The following ASIC2 variants were observed in gnomAD, a reference collection of about 807,000 sequenced individuals.
ASIC2 encodes acid sensing ion channel subunit 2, also known as acid-sensing ion channel 2.
A neutral mutation model predicts 57.3 loss-of-function variants in ASIC2; 25 were observed. The observed-to-expected ratio is 0.44, with a 90% confidence interval of 0.32 to 0.61. ASIC2 has a LOEUF of 0.61. ASIC2 is among the 20% of genes least tolerant of loss of function. The pLI is 0.06. For missense variants in ASIC2, 641 were observed against 738.1 expected, an observed-to-expected ratio of 0.87 and a Z score of 1.52; for synonymous variants, 319 against 307.5, an observed-to-expected ratio of 1.04 and a Z score of -0.39.
At chr17:33,756,246 G>A (rs971775696) in intron 1 of ASIC2, among the ~76,000 whole-genome samples, 1 of 152,172 alleles carries the variant, frequency 6.6e-6, no homozygotes, top group African/African-American at 2.4e-5. Context: ...CCTATTCAAT[G>A]CCAGCCTTGG....
At chr17:33,494,213 C>T (rs1462218707) in intron 1 of ASIC2, among the ~76,000 whole-genome samples, 5 of 152,192 alleles carry the variant, frequency 3.3e-5, no homozygotes, top group South Asian at 2.1e-4. Flanking sequence ...AGGCCTTCTG[C>T]GTGCCTGTTG....
At chr17:34,098,150 A>G (rs1376254411) in intron 1 of ASIC2, among the ~76,000 whole-genome samples, 1 of 152,208 alleles carries the variant, frequency 6.6e-6, no homozygotes, top group African/African-American at 2.4e-5. Flanking sequence ...TTCACAGTCC[A>G]GCGAGGGAGA....
intron 1 of ASIC2, among the ~76,000 whole-genome samples, chr17:33,457,626 A>ATGC (rs892687092): frequency 9.2e-5 from 14 of 152,302 alleles, no homozygotes; most frequent in East Asian, 3.9e-4. Flanking sequence ...TACACTAATG[A>ATGC]TGCTGCTGCT....
At chr17:33,211,188 G>A (rs559389325) in intron 1 of ASIC2, among the ~76,000 whole-genome samples, 4 of 152,226 alleles carry the variant, frequency 2.6e-5, no homozygotes, top group East Asian at 1.9e-4. Context: ...GCCCTTCCAC[G>A]GACCAAGGGG....
intron 1 of ASIC2, among the ~76,000 whole-genome samples, chr17:33,525,641 T>C (rs1397613396): frequency 1.3e-5 from 2 of 152,208 alleles, no homozygotes; most frequent in African/African-American, 4.8e-5. Context: ...CAAATGCAAA[T>C]ACCTCTGCAT....
chr17:34,038,710 T>C, intron 1 of ASIC2: 1 of 1,603,544 alleles, frequency 6.2e-7, no homozygotes, highest in East Asian at 2.2e-5. Context: ...CTAATCTGAG[T>C]TTGAAGATTT....
At chr17:33,054,523 C>CA (rs1203443773) in intron 3 of ASIC2, among the ~76,000 whole-genome samples, 1 of 152,182 alleles carries the variant, frequency 6.6e-6, no homozygotes, top group Non-Finnish European at 1.5e-5. Flanking sequence ...AATCAATACT[C>CA]AGAGTTTTTC....
chr17:34,032,593 T>C (rs1303129408), intron 1 of ASIC2, among the ~76,000 whole-genome samples: 5 of 152,158 alleles, frequency 3.3e-5, no homozygotes, highest in Admixed American at 1.3e-4. Flanking sequence ...TCAAGACCCA[T>C]CAGTGTGCTG....
At chr17:33,282,509 C>G (rs1041103928) in intron 1 of ASIC2, among the ~76,000 whole-genome samples, 5 of 151,638 alleles carry the variant, frequency 3.3e-5, no homozygotes, top group African/African-American at 9.7e-5. Flanking sequence ...GATCCTTGCC[C>G]TGTTGTCCAG....
At chr17:33,033,454 G>T (rs2091894370) in intron 3 of ASIC2, among the ~76,000 whole-genome samples, 1 of 152,190 alleles carries the variant, frequency 6.6e-6, no homozygotes, top group South Asian at 2.1e-4. Flanking sequence ...CCCCTTCCAA[G>T]TTGGCAGGTG....
At chr17:34,030,096 C>A (rs946160059) in intron 1 of ASIC2, among the ~76,000 whole-genome samples, 2 of 152,124 alleles carry the variant, frequency 1.3e-5, no homozygotes, top group Admixed American at 6.5e-5. Context: ...TGCAAAGGGC[C>A]TACAAGAAAA....
chr17:33,360,409 G>A (rs999067494), intron 1 of ASIC2, among the ~76,000 whole-genome samples: 1 of 152,120 alleles, frequency 6.6e-6, no homozygotes, highest in Non-Finnish European at 1.5e-5. Context: ...TACAGCAGGG[G>A]CTCAGTAAAT....
intron 1 of ASIC2, among the ~76,000 whole-genome samples, chr17:33,273,874 AG>A (rs1322142689): frequency 3.3e-5 from 5 of 151,628 alleles, no homozygotes; most frequent in African/African-American, 1.2e-4. Flanking sequence ...TGACTGGGGG[AG>A]GGGGAGGAAG....
At chr17:33,886,241 G>A (rs571973772) in intron 1 of ASIC2, among the ~76,000 whole-genome samples, 2 of 152,224 alleles carry the variant, frequency 1.3e-5, no homozygotes, top group Admixed American at 1.3e-4. Flanking sequence ...TAGGGCTTCT[G>A]CTTGGAAATA....
rs891955830 is a variant in ASIC2, at chr17:33,213,272, A to G, written c.708+78136T>C. On this transcript the variant is annotated intron_variant, in intron 1 of 9. Transcript: ENST00000225823. ...GACTGGTCCTAAGAACTGAAGGTGGAAAAAAAACCTTGCTTGGAAAGACCA... is the reference window on the plus strand; with the variant it reads ...GACTGGTCCTAAGAACTGAAGGTGGGAAAAAAACCTTGCTTGGAAAGACCA... Among the ~76,000 whole-genome samples, 3 of 152,054 alleles carry G rather than the reference A, an allele frequency of 2.0e-5. No individual in the cohort carries two copies. In the South Asian group the frequency reaches 6.2e-4, roughly 32 times the overall value.
chr17:33,218,325 A>G (rs1295470046), intron 1 of ASIC2, among the ~76,000 whole-genome samples: 1 of 152,144 alleles, frequency 6.6e-6, no homozygotes, highest in East Asian at 1.9e-4. Flanking sequence ...TGGGCTCGAC[A>G]TGTGCTCTCT....
intron 1 of ASIC2, among the ~76,000 whole-genome samples, chr17:33,906,012 T>A (rs60433786): frequency 0.1 from 1,111 of 10,750 alleles, 13 homozygotes; most frequent in African/African-American, 0.29. Flanking sequence ...TTTAATTAAA[T>A]TTTTTTTTTT....
chr17:33,965,337 TTTC>T (rs551277500), intron 1 of ASIC2, among the ~76,000 whole-genome samples: 249 of 152,272 alleles, frequency 1.6e-3, no homozygotes, highest in African/African-American at 5.5e-3. Flanking sequence ...GTGGATTTTT[TTTC>T]TTTTTCTAAT....
chr17:33,365,973 T>G (rs947973352), intron 1 of ASIC2, among the ~76,000 whole-genome samples: 6 of 152,032 alleles, frequency 3.9e-5, no homozygotes, highest in Non-Finnish European at 8.8e-5. Context: ...ACAGTTCAGG[T>G]TGGTAAGCTA....
Sources: allele counts gnomAD v4.1 joint callset (sites outside exome capture counted in the v4.1 genomes callset), GRCh38; gene constraint gnomAD v4.1.1; transcripts MANE v1.5; gene names NCBI Gene and HGNC (gene_info 2026-07-23, HGNC 2026-07-21).